The following CCS variants were observed in gnomAD, a reference collection of about 807,000 sequenced individuals.
CCS encodes the protein superoxide dismutase copper chaperone.
Under a neutral mutation model 35.5 loss-of-function variants are expected in CCS, and 32 were observed. The ratio of observed to expected loss-of-function variants is 0.90; its 90% CI spans 0.68 to 1.21. CCS has a LOEUF of 1.21. CCS is among the 50% of genes most tolerant of loss of function. The pLI is 0.00. For synonymous variants in CCS, 130 were observed against 147.2 expected, an observed-to-expected ratio of 0.88 and a Z score of 0.84; for missense variants, 342 against 375.4, an observed-to-expected ratio of 0.91 and a Z score of 0.73.
At chr11:66,593,555 T>G in intron 1 of CCS, 87 bp from the exon 2 acceptor site, 1 of 1,358,532 alleles carries the variant, frequency 7.4e-7, no homozygotes, top group South Asian at 1.2e-5. Flanking sequence ...CCCAGACCCT[T>G]GCGGTGGTCA....
intron 5 of CCS, among the ~76,000 whole-genome samples, chr11:66,602,823 C>G (rs1192934102): frequency 6.6e-6 from 1 of 152,228 alleles, no homozygotes; most frequent in Non-Finnish European, 1.5e-5. Context: ...TTAACTTAGA[C>G]AAGGAAGAAC....
chr11:66,599,752 G>C, intron 4 of CCS, 116 bp downstream of exon 4: 2 of 953,154 alleles, frequency 2.1e-6, no homozygotes, highest in South Asian at 3.2e-5. Context: ...TGAGGAAACT[G>C]AGGCTCACAG....
chr11:66,593,472 A>G, intron 1 of CCS, 170 bp from the exon 2 acceptor site: 1 of 908,352 alleles, frequency 1.1e-6, no homozygotes, highest in Non-Finnish European at 1.7e-6. Context: ...TTGGGGGGTG[A>G]CTCCCATGGT....
intron 2 of CCS, 138 bp downstream of exon 2, chr11:66,593,852 T>C: frequency 1.2e-6 from 1 of 802,390 alleles, no homozygotes. Flanking sequence ...GTTCTCAGAG[T>C]TACACACAGA....
chr11:66,604,367 G>A (rs1224762671), intron 5 of CCS, among the ~76,000 whole-genome samples: 1 of 152,184 alleles, frequency 6.6e-6, no homozygotes, highest in East Asian at 1.9e-4. Context: ...ATATCCCTCT[G>A]GAAAACGAGA....
In CCS at chr11:66,599,228, C is replaced by T. The variant is rs377031880; in HGVS notation, c.225C>T (p.Leu75=). 7 of 1,611,316 alleles carry T rather than the reference C, an allele frequency of 4.3e-6. No homozygotes were observed. Among genetic ancestry groups the T allele is most frequent in the Non-Finnish European group, 5.9e-6 (7 of 1,178,752 alleles). The part of the protein sequence containing the change: ...LLEGTGRQAV[L]KGMGSGQLQN... ...AAGGCACGGGGCGGCAGGCGGTACT[C>T]AAGGGCATGGGCAGCGGCCAGTTGC... Residue 75 remains leucine (L), a synonymous_variant, in exon 3 of 8, where the codon CTC becomes CTT. Transcript: ENST00000533244.
chr11:66,600,067 G>A, intron 4 of CCS: 1 of 185,770 alleles, frequency 5.4e-6, no homozygotes, highest in Non-Finnish European at 1.1e-5. Flanking sequence ...GGAGGTGGAG[G>A]TTGTGGTGAG....
chr11:66,602,419 C>T (rs761948326), intron 5 of CCS, among the ~76,000 whole-genome samples: 6 of 152,126 alleles, frequency 3.9e-5, no homozygotes, highest in African/African-American at 1.2e-4. Context: ...GCTAACAACA[C>T]GGCAGTTGGC....
chr11:66,602,569 A>C (rs1245614476), intron 5 of CCS, among the ~76,000 whole-genome samples: 1 of 152,270 alleles, frequency 6.6e-6, no homozygotes, highest in East Asian at 1.9e-4. Context: ...CACATCATAG[A>C]GGCCATTCGC....
At chr11:66,599,730 A>G (rs1258028884) in intron 4 of CCS, 94 bp downstream of exon 4, 1 of 1,191,396 alleles carries the variant, frequency 8.4e-7, no homozygotes, top group Non-Finnish European at 1.2e-6. Context: ...ACACACAGGC[A>G]CAACCTCCAG....
At chr11:66,595,488 C>T (rs1320039708) in intron 2 of CCS, among the ~76,000 whole-genome samples, 4 of 152,116 alleles carry the variant, frequency 2.6e-5, no homozygotes, top group Non-Finnish European at 5.9e-5. Context: ...TTTTCTGGTC[C>T]GGCTTGGCTT....
intron 4 of CCS, 32 bp downstream of exon 4, chr11:66,599,668 C>T: frequency 6.3e-7 from 1 of 1,593,638 alleles, no homozygotes; most frequent in Non-Finnish European, 8.6e-7. Flanking sequence ...CAGTAGCATT[C>T]TCAGCTACAC....
Position 66,599,654 on chromosome 11 carries a change from T to C in CCS, c.428+18T>C. 1 of 1,608,040 alleles carries C rather than the reference T, an allele frequency of 6.2e-7. No homozygotes were observed. The highest frequency in any genetic ancestry group is 8.5e-7 in the Non-Finnish European group (1 of 1,177,158). On this transcript the variant is annotated intron_variant, in intron 4 of 7. Coordinates refer to ENST00000533244, the MANE Select transcript of CCS (RefSeq NM_005125.2). Reference sequence around the variant, plus strand: ...TGCAACAGGTGAGTTGTCTGAAGTCTCCCCAGTAGCATTCTCAGCTACACA... The same window carrying C: ...TGCAACAGGTGAGTTGTCTGAAGTCCCCCCAGTAGCATTCTCAGCTACACA...
At chr11:66,598,462 T>C (rs11227546) in intron 2 of CCS, among the ~76,000 whole-genome samples, 7,708 of 37,632 alleles carry the variant, frequency 0.2, 1,490 homozygotes, top group Middle Eastern at 0.36. Context: ...TTCAGTGAGC[T>C]GAGATCGTGC....
At chr11:66,595,264 C>CA (rs746895705) in intron 2 of CCS, among the ~76,000 whole-genome samples, 2 of 152,132 alleles carry the variant, frequency 1.3e-5, no homozygotes, top group Non-Finnish European at 2.9e-5. Flanking sequence ...GAAGGGCTTA[C>CA]AGGTGGTGAT....
chr11:66,593,618 G>C, intron 1 of CCS, 24 bp from the exon 2 acceptor site: 1 of 1,611,720 alleles, frequency 6.2e-7, no homozygotes, highest in Non-Finnish European at 8.5e-7. Flanking sequence ...AGCGATCATC[G>C]GTTGGTCCCT....
intron 7 of CCS, 46 bp from the exon 8 acceptor site, chr11:66,605,655 GT>G (rs750022471): frequency 1.9e-6 from 3 of 1,582,142 alleles, no homozygotes; most frequent in Non-Finnish European, 2.6e-6. Context: ...GAACCCAGGG[GT>G]GGGGGCCAAA....
At chr11:66,594,078 A>G (rs976693446) in intron 2 of CCS, among the ~76,000 whole-genome samples, 3 of 152,084 alleles carry the variant, frequency 2.0e-5, no homozygotes, top group African/African-American at 4.8e-5. Context: ...TTTCTATACC[A>G]CTGGGTGTGG....
At chr11:66,600,832 A>G (rs915898500) in intron 5 of CCS, among the ~76,000 whole-genome samples, 1 of 152,156 alleles carries the variant, frequency 6.6e-6, no homozygotes, top group African/African-American at 2.4e-5. Context: ...TCCTTGCAGG[A>G]GCCTGCAAGA....
Sources: gnomAD v4.1 joint callset for allele counts (sites outside exome capture counted in the v4.1 genomes callset) on GRCh38, gnomAD v4.1.1 for gene constraint, MANE v1.5 for transcripts, NCBI Gene and HGNC (gene_info 2026-07-23, HGNC 2026-07-21) for gene names.